ZNF385D: variants seen among roughly 807,000 people sequenced by gnomAD.
ZNF385D encodes the protein zinc finger protein 659.
A neutral mutation model predicts 35.8 loss-of-function variants in ZNF385D; 15 were observed. That is an observed-to-expected ratio of 0.42 (90% CI 0.28 to 0.64). The LOEUF (loss-of-function observed/expected upper bound fraction) is 0.64. ZNF385D is among the 30% of genes least tolerant of loss of function. The pLI is 0.23. For synonymous variants in ZNF385D, 212 were observed against 186.8 expected, an observed-to-expected ratio of 1.13 and a Z score of -1.10; for missense variants, 474 against 494.6, an observed-to-expected ratio of 0.96 and a Z score of 0.39.
intron 5 of ZNF385D, among the ~76,000 whole-genome samples, chr3:21,429,374 A>G (rs1029463053): frequency 1.3e-4 from 20 of 152,212 alleles, no homozygotes; most frequent in Admixed American, 1.2e-3. Context: ...AATTATATAT[A>G]TGCTTTTAGA....
chr3:21,880,318 T>C, intron 3 of ZNF385D, among the ~76,000 whole-genome samples: 1 of 152,038 alleles, frequency 6.6e-6, no homozygotes. Context: ...GTCAAGCTTC[T>C]ATTGGCACCA....
rs571654541 is a variant in ZNF385D, at chr3:21,570,439, C to T, written c.166-5755G>A. Among the ~76,000 whole-genome samples, 10 of 152,286 alleles carry T rather than the reference C, an allele frequency of 6.6e-5. No homozygotes were observed. In the East Asian group the frequency reaches 1.9e-3, roughly 29 times the overall value. The stretch of plus-strand genomic sequence containing the variant: ...AGGATGAAGCTTAACCCTGAGTTGA[C>T]AGTTCCTGCTCTAAGAGACCTCTTC... On this transcript the variant is annotated intron_variant, in intron 2 of 7. Coordinates refer to ENST00000281523, the MANE Select transcript of ZNF385D (RefSeq NM_024697.3).
chr3:22,315,306 T>A (rs1156310308), intron 2 of ZNF385D, among the ~76,000 whole-genome samples: 1 of 152,178 alleles, frequency 6.6e-6, no homozygotes, highest in Non-Finnish European at 1.5e-5. Flanking sequence ...ATATTTTAAT[T>A]GCCCTTTGGA....
chr3:22,245,090 C>T (rs1699702366), intron 2 of ZNF385D, among the ~76,000 whole-genome samples: 1 of 152,050 alleles, frequency 6.6e-6, no homozygotes, highest in Non-Finnish European at 1.5e-5. Flanking sequence ...CAATGGCAGA[C>T]TAGAAATACC....
chr3:22,323,762 T>C (rs1250619628), intron 2 of ZNF385D, among the ~76,000 whole-genome samples: 2 of 152,184 alleles, frequency 1.3e-5, no homozygotes, highest in African/African-American at 4.8e-5. Context: ...AAGTGCTAAG[T>C]GATGAATATA....
chr3:21,424,659 G>A (rs1161181125), intron 6 of ZNF385D, among the ~76,000 whole-genome samples: 2 of 144,620 alleles, frequency 1.4e-5, no homozygotes, highest in East Asian at 2.1e-4. Flanking sequence ...TTTTTTTTCC[G>A]AGCTTTTCTT....
intron 2 of ZNF385D, among the ~76,000 whole-genome samples, chr3:22,270,651 A>T (rs1009862769): frequency 2.0e-5 from 3 of 150,120 alleles, no homozygotes; most frequent in Admixed American, 6.6e-5. Flanking sequence ...AAGCTACATG[A>T]TGTGAGATCT....
At chr3:21,786,685 T>G (rs140264200) in intron 3 of ZNF385D, among the ~76,000 whole-genome samples, 1 of 152,334 alleles carries the variant, frequency 6.6e-6, no homozygotes, top group African/African-American at 2.4e-5. Context: ...CCATTTATAC[T>G]TTTCTGCTTG....
intron 1 of ZNF385D, among the ~76,000 whole-genome samples, chr3:21,713,218 G>A (rs2068181965): frequency 6.6e-6 from 1 of 152,194 alleles, no homozygotes; most frequent in Admixed American, 6.5e-5. Flanking sequence ...AGAACAAGAA[G>A]AGCCAGCAGT....
intron 3 of ZNF385D, among the ~76,000 whole-genome samples, chr3:22,078,984 C>T (rs1049075362): frequency 1.3e-5 from 2 of 151,742 alleles, no homozygotes; most frequent in African/African-American, 4.8e-5. Context: ...TGTATGCTTA[C>T]CTTAATTTTG....
At chr3:21,467,590 T>C (rs544291084) in intron 4 of ZNF385D, among the ~76,000 whole-genome samples, 1 of 152,338 alleles carries the variant, frequency 6.6e-6, no homozygotes, top group Admixed American at 6.5e-5. Flanking sequence ...ACTAGAGCTT[T>C]GTCCTGGCCT....
chr3:22,227,293 G>T (rs575257849), intron 2 of ZNF385D, among the ~76,000 whole-genome samples: 1 of 152,064 alleles, frequency 6.6e-6, no homozygotes, highest in East Asian at 1.9e-4. Context: ...TCATAAGCAG[G>T]CCTCAGAAAA....
At chr3:22,047,092 G>A (rs74922735) in intron 3 of ZNF385D, among the ~76,000 whole-genome samples, 2,157 of 152,204 alleles carry the variant, frequency 0.014, 28 homozygotes, top group Non-Finnish European at 0.018. Flanking sequence ...TGTCAACGAT[G>A]AAGGCTTCTG....
chr3:22,306,246 ATCT>A (rs916098913), intron 2 of ZNF385D, among the ~76,000 whole-genome samples: 33 of 152,030 alleles, frequency 2.2e-4, no homozygotes, highest in African/African-American at 7.5e-4. Context: ...GAGAAGCCTA[ATCT>A]TCTGGTTTTT....
At chr3:21,882,398 T>C (rs1428113710) in intron 3 of ZNF385D, among the ~76,000 whole-genome samples, 1 of 136,364 alleles carries the variant, frequency 7.3e-6, no homozygotes, top group East Asian at 2.1e-4. Context: ...TTTTTAGTAA[T>C]AAAATATGTT....
At chr3:21,967,940 C>T (rs1703001870) in intron 3 of ZNF385D, among the ~76,000 whole-genome samples, 1 of 152,176 alleles carries the variant, frequency 6.6e-6, no homozygotes, top group Non-Finnish European at 1.5e-5. Flanking sequence ...CTGTTCTTAA[C>T]ATCATGTAAG....
chr3:22,048,066 T>A (rs927537704), intron 3 of ZNF385D, among the ~76,000 whole-genome samples: 3 of 152,166 alleles, frequency 2.0e-5, no homozygotes, highest in African/African-American at 7.2e-5. Flanking sequence ...TCCATTCATT[T>A]TTTTCATTTC....
chr3:21,869,973 T>C (rs1192160537), intron 3 of ZNF385D, among the ~76,000 whole-genome samples: 1 of 152,100 alleles, frequency 6.6e-6, no homozygotes, highest in Non-Finnish European at 1.5e-5. Flanking sequence ...ATAAAACTCA[T>C]AAAAAGATAT....
At chr3:22,192,474 A>C (rs960334483) in intron 2 of ZNF385D, among the ~76,000 whole-genome samples, 3 of 151,936 alleles carry the variant, frequency 2.0e-5, no homozygotes, top group African/African-American at 7.3e-5. Flanking sequence ...ATGGTGTGTG[A>C]CTCCTCAGGC....
Sources: gnomAD v4.1 joint callset for allele counts (sites outside exome capture counted in the v4.1 genomes callset) on GRCh38, gnomAD v4.1.1 for gene constraint, MANE v1.5 for transcripts, NCBI Gene and HGNC (gene_info 2026-07-23, HGNC 2026-07-21) for gene names.